Variants in SLC1A7 observed in about 807,000 individuals in gnomAD.
SLC1A7 encodes the protein solute carrier family 1 member 7.
Under a neutral mutation model 47.7 loss-of-function variants are expected in SLC1A7, and 40 were observed. The ratio of observed to expected loss-of-function variants is 0.84; its 90% confidence interval spans 0.65 to 1.09. The LOEUF (loss-of-function observed/expected upper bound fraction) is 1.09. Ranked by LOEUF, SLC1A7 falls within the 50% of genes least tolerant of loss-of-function variation. The pLI, the probability that SLC1A7 is intolerant of heterozygous loss-of-function variation, is 0.00. For synonymous variants in SLC1A7, 323 were observed against 325.6 expected (o/e 0.99, Z 0.09); for missense variants, 746 against 769.5 (o/e 0.97, Z 0.36).
At position 53,117,742 on chromosome 1, in the gene SLC1A7, G is replaced by A. The variant is rs143164411; in HGVS notation, c.216-2769C>T. On this transcript the variant is annotated intron_variant, in intron 2 of 10. Transcript: ENST00000371494. ...GGAAAGGATAAAGGCCCCTCAGAAG[G>A]CCCCCCACCGGGGACGAAGAGGCCT... is the stretch of plus-strand genomic sequence containing the variant. Among the ~76,000 whole-genome samples the A allele has an allele frequency of 5.7e-3, 870 of 152,266 alleles. 9 individuals carry two copies. The highest frequency in any genetic ancestry group is 0.02 in the African/African-American group (826 of 41,546).
chr1:53,097,207 C>A (rs1557670084), intron 5 of SLC1A7, among the ~76,000 whole-genome samples: 1 of 151,232 alleles, frequency 6.6e-6, no homozygotes, highest in African/African-American at 2.4e-5. Flanking sequence ...TTCACACACC[C>A]TGCCTCAGTA....
At chr1:53,140,763 C>T (rs1004483094) in intron 1 of SLC1A7, among the ~76,000 whole-genome samples, 1 of 152,186 alleles carries the variant, frequency 6.6e-6, no homozygotes, top group Non-Finnish European at 1.5e-5. Flanking sequence ...ATTTTACAGA[C>T]AAGGAAACTG....
chr1:53,134,357 C>T lies in SLC1A7; in HGVS notation c.208G>A (p.Val70Ile). 1 of 1,612,746 alleles carries T rather than the reference C, an allele frequency of 6.2e-7. No homozygotes were observed. Among genetic ancestry groups the T allele is most frequent in the East Asian group, 2.2e-5 (1 of 44,878 alleles). ...TCAAACCCCCGCTCTCACCTGGAGA[C>T]CACCAGTGGCAGGATCATCATCTTC... is the stretch of plus-strand genomic sequence containing the variant. ...MLKMMILPLV[V>I]SSLMSGLASL... The change falls in exon 2 of 11, where the codon GTC becomes ATC. Residue 70 changes from valine to isoleucine, a missense_variant. Transcript: ENST00000371494.
chr1:53,094,717 C>T (rs990724699), intron 5 of SLC1A7, among the ~76,000 whole-genome samples: 64 of 152,310 alleles, frequency 4.2e-4, no homozygotes, highest in South Asian at 6.2e-4. Context: ...ACCCAGACTC[C>T]CCTGCCGGCT....
chr1:53,089,222 C>A (rs1644393002), intron 9 of SLC1A7, among the ~76,000 whole-genome samples: 2 of 151,796 alleles, frequency 1.3e-5, no homozygotes, highest in African/African-American at 4.8e-5. Flanking sequence ...TAATCCTCTG[C>A]TGTTTCTGTC....
chr1:53,128,233 G>A (rs1644904217), intron 2 of SLC1A7, among the ~76,000 whole-genome samples: 2 of 152,194 alleles, frequency 1.3e-5, no homozygotes, highest in African/African-American at 4.8e-5. Context: ...CCAGCACTTT[G>A]AGAGGCCAAG....
At chr1:53,116,971 A>G (rs1354944053) in intron 2 of SLC1A7, among the ~76,000 whole-genome samples, 3 of 152,234 alleles carry the variant, frequency 2.0e-5, no homozygotes, top group South Asian at 2.1e-4. Context: ...CTGGGCCACA[A>G]GTGCACTCAA....
intron 1 of SLC1A7, among the ~76,000 whole-genome samples, 183 bp from the exon 2 acceptor site, chr1:53,134,612 C>T (rs558389546): frequency 9.2e-5 from 14 of 152,208 alleles, no homozygotes; most frequent in East Asian, 1.9e-4. Flanking sequence ...GTAAACACCC[C>T]GCCTCCACCA....
rs1644390234 is a variant in SLC1A7 at position 53,088,966 on chromosome 1, T to C, written c.1375A>G (p.Thr459Ala). 3.1e-6 allele frequency: 5 copies of C among 1,613,986 alleles called. No individual in the cohort carries two copies. Among genetic ancestry groups the C allele is most frequent in the Non-Finnish European group, 4.2e-6 (5 of 1,179,970 alleles). The change falls in exon 10 of 11, where the codon ACC becomes GCC. Residue 459 changes from threonine (T) to alanine (A), a missense_variant. Physicochemically the swap from Thr to Ala is moderately conservative, Grantham distance 58. Coordinates refer to ENST00000371494, the MANE Select transcript of SLC1A7 (RefSeq NM_006671.6). ...AVDWALDRFRTMINVLGDALA... is the reference protein window; with the variant it reads ...AVDWALDRFRAMINVLGDALA... ...GCATCACCCAGCACGTTAATCATGG[T>C]GCGGAAACGGTCCCTGGTGAGCCAA...
At chr1:53,090,122 AC>A (rs767726890) in intron 8 of SLC1A7, 188 bp from the exon 9 acceptor site, 2 of 641,710 alleles carry the variant, frequency 3.1e-6, no homozygotes, top group South Asian at 1.8e-5. Context: ...AGCCCCATGG[AC>A]CCCCATTCCT....
intron 5 of SLC1A7, among the ~76,000 whole-genome samples, chr1:53,095,717 C>G (rs1644479449): frequency 6.6e-6 from 1 of 151,458 alleles, no homozygotes; most frequent in Non-Finnish European, 1.5e-5. Flanking sequence ...TCGGTACACA[C>G]ACACAACTTG....
chr1:53,129,565 GA>G (rs1465540240), intron 2 of SLC1A7, among the ~76,000 whole-genome samples: 1 of 116,076 alleles, frequency 8.6e-6, no homozygotes, highest in Non-Finnish European at 1.9e-5. Flanking sequence ...AGAAATTCTA[GA>G]AAAAAAAGAG....
At chr1:53,105,479 G>A (rs762613026) in intron 4 of SLC1A7, among the ~76,000 whole-genome samples, 4 of 152,156 alleles carry the variant, frequency 2.6e-5, no homozygotes, top group Non-Finnish European at 5.9e-5. Flanking sequence ...AGCAGAGCAG[G>A]CACTCAGTGA....
At chr1:53,094,238 A>G (rs1349330244) in intron 5 of SLC1A7, among the ~76,000 whole-genome samples, 1 of 152,184 alleles carries the variant, frequency 6.6e-6, no homozygotes, top group Non-Finnish European at 1.5e-5. Context: ...CACAGTGGTC[A>G]ATGGTGAGTG....
At chr1:53,125,293 A>G (rs1644870516) in intron 2 of SLC1A7, among the ~76,000 whole-genome samples, 1 of 152,164 alleles carries the variant, frequency 6.6e-6, no homozygotes, top group South Asian at 2.1e-4. Flanking sequence ...CCTGCAGGCA[A>G]TTTTATTTTG....
intron 1 of SLC1A7, among the ~76,000 whole-genome samples, chr1:53,140,423 C>T (rs550576513): frequency 7.2e-5 from 11 of 151,934 alleles, no homozygotes; most frequent in African/African-American, 2.4e-4. Flanking sequence ...GATAGTTGAG[C>T]GTTCTCTCTG....
rs148584884 is a variant in SLC1A7, at chr1:53,114,468, C to T, written c.431+290G>A. 32 of 446,990 alleles carry T rather than the reference C, an allele frequency of 7.2e-5. 1 individual carries two copies. In the East Asian group the frequency reaches 1.2e-3, roughly 16 times the overall value. 27.7% of individuals were successfully genotyped at this position (446,990 alleles called of 1,614,324 possible). A position where few individuals can be genotyped will look rare whatever the true frequency, so the allele number is the denominator to read the frequency against. Reference sequence around the variant, plus strand: ...AAACAAAGGGAGGGGCCAATAACAGCCAGCCTCCCACCCTACAGGCTGGGC... The same window carrying T: ...AAACAAAGGGAGGGGCCAATAACAGTCAGCCTCCCACCCTACAGGCTGGGC... On this transcript the variant is annotated intron_variant, in intron 3 of 10. Coordinates refer to ENST00000371494, the MANE Select transcript of SLC1A7 (RefSeq NM_006671.6).
chr1:53,103,449 G>A lies in SLC1A7; in HGVS notation c.594C>T (p.Phe198=), dbSNP rs776284907. 19 of 1,612,774 alleles carry A rather than the reference G, an allele frequency of 1.2e-5. No individual in the cohort carries two copies. The highest frequency in any genetic ancestry group is 6.7e-5 in the Admixed American group (4 of 59,898). ...CGGGCGGCGGGGTCAGGTCCAGGGC[G>A]AAGTTCTGCACATGGGAGCCATTCT... ...QEENGSHVQN[F]ALDLTPPPEV... is the part of the protein sequence containing the mutation. The change falls in exon 5 of 11, where the codon TTC becomes TTT. Residue 198 remains phenylalanine (F), a synonymous_variant. Coordinates refer to ENST00000371494, the MANE Select transcript of SLC1A7 (RefSeq NM_006671.6).
chr1:53,113,581 GC>G (rs998456848), intron 3 of SLC1A7, among the ~76,000 whole-genome samples: 5 of 151,924 alleles, frequency 3.3e-5, no homozygotes, highest in African/African-American at 1.2e-4. Context: ...CCTGCCATCT[GC>G]CCCCTTCCCC....
Sources: gnomAD v4.1 joint callset for allele counts (sites outside exome capture counted in the v4.1 genomes callset) on GRCh38, gnomAD v4.1.1 for gene constraint, MANE v1.5 for transcripts, NCBI Gene and HGNC (gene_info 2026-07-23, HGNC 2026-07-21) for gene names.